PSMA5: variants seen among roughly 807,000 people sequenced by gnomAD.
PSMA5 encodes the protein proteasome 20S subunit alpha 5.
In PSMA5, 3 loss-of-function variants were observed where a neutral mutation model predicts 34.5. The ratio of observed to expected loss-of-function variants is 0.09; its 90% CI spans 0.04 to 0.22. The LOEUF (loss-of-function observed/expected upper bound fraction) is 0.22. Among genes scored for constraint, PSMA5 ranks in the 10% least tolerant of loss-of-function variants. PSMA5 has a pLI of 1.00. For synonymous variants in PSMA5, 88 were observed against 95.8 expected (o/e 0.92, Z 0.47); for missense variants, 120 against 286.1 (o/e 0.42, Z 4.19).
intron 1 of PSMA5, 146 bp downstream of exon 1, chr1:109,426,156 G>A: frequency 9.5e-7 from 1 of 1,050,830 alleles, no homozygotes; most frequent in South Asian, 1.4e-5. Context: ...AGGACGGCGG[G>A]CGCCTGAGGA....
At chr1:109,417,011 G>A (rs555326327) in intron 2 of PSMA5, among the ~76,000 whole-genome samples, 3 of 152,264 alleles carry the variant, frequency 2.0e-5, no homozygotes, top group Admixed American at 6.5e-5. Context: ...AGGCTGAAAC[G>A]GTAGGACTGC....
intron 2 of PSMA5, among the ~76,000 whole-genome samples, chr1:109,420,759 C>T (rs144583315): frequency 9.2e-4 from 140 of 152,190 alleles, no homozygotes; most frequent in Non-Finnish European, 1.7e-3. Context: ...CCCCACCAGA[C>T]ATTTGGCAAA....
At position 109,411,862 on chromosome 1, in the gene PSMA5, C is replaced by CA. The variant is rs760798975; in HGVS notation, c.458+14dup. Reference sequence around the variant, plus strand: ...CCTGCAAAAGCATGGGGGAAAATTACAAAATGGTACTTACAGCTGGGGTCC... The same window carrying CA: ...CCTGCAAAAGCATGGGGGAAAATTACAAAAATGGTACTTACAGCTGGGGTCC... On this transcript the variant is annotated intron_variant, in intron 6 of 8. Transcript: ENST00000271308. The CA allele has an allele frequency of 6.2e-7, 1 of 1,601,550 alleles. No individual in the cohort carries two copies. Among genetic ancestry groups the CA allele is most frequent in the South Asian group, 1.1e-5 (1 of 90,830 alleles).
rs373056949 is a variant in PSMA5, at chr1:109,415,295, A to G, written c.165T>C (p.Thr55=). The G allele has an allele frequency of 6.2e-7, 1 of 1,614,090 alleles. No homozygotes were observed. The highest frequency in any genetic ancestry group is 8.5e-7 in the Non-Finnish European group (1 of 1,179,954). The change falls in exon 3 of 9, where the codon ACT becomes ACC. Residue 55 remains threonine, a synonymous_variant. Transcript: ENST00000271308. ...TGCTGCTGGGCTCCATCAGTGGGGAAGTAATTCTCTTCTCCACAGCTAGGC... is the reference window on the plus strand; with the variant it reads ...TGCTGCTGGGCTCCATCAGTGGGGAGGTAATTCTCTTCTCCACAGCTAGGC... ...GVCLAVEKRI[T]SPLMEPSSIE... is the part of the protein sequence containing the mutation.
chr1:109,426,084 G>C lies in PSMA5; in HGVS notation c.29+218C>G. 6.5e-6 allele frequency: 4 copies of C among 619,114 alleles called. No individual in the cohort carries two copies. The South Asian group carries it at 7.8e-5, about 12-fold the overall frequency. 38.4% of individuals were successfully genotyped at this position (619,114 alleles called of 1,614,324 possible). Reference sequence around the variant, plus strand: ...CCGGAGCTTCTCGCTTCCGCACCGAGTTAGGACCCAGGGGTGACTCAGCGG... The same window carrying C: ...CCGGAGCTTCTCGCTTCCGCACCGACTTAGGACCCAGGGGTGACTCAGCGG... On this transcript the variant is annotated intron_variant, in intron 1 of 8. Coordinates refer to ENST00000271308, the MANE Select transcript of PSMA5 (RefSeq NM_002790.4).
In PSMA5 at chr1:109,401,996, C is replaced by A; in HGVS notation, c.*17G>T. ...GAACTGAAATTGTCCCAGAGAAGTTCTGAGGATCAGGATTCCTTAAATGTC... is the reference window on the plus strand; with the variant it reads ...GAACTGAAATTGTCCCAGAGAAGTTATGAGGATCAGGATTCCTTAAATGTC... On this transcript the variant is annotated 3_prime_UTR_variant, in exon 9 of 9. Transcript: ENST00000271308. 6.4e-7 allele frequency: 1 copy of A among 1,573,510 alleles called. No homozygotes were observed. The highest frequency in any genetic ancestry group is 1.1e-5 in the South Asian group (1 of 88,852).
chr1:109,402,144 C>T, intron 8 of PSMA5, 54 bp from the exon 9 acceptor site: 1 of 1,332,920 alleles, frequency 7.5e-7, no homozygotes, highest in African/African-American at 1.5e-5. Context: ...CTGCTGATGG[C>T]CCTACCATGG....
At position 109,414,882 on chromosome 1, in the gene PSMA5, G is replaced by A. The variant is rs1045004240; in HGVS notation, c.223+355C>T. On this transcript the variant is annotated intron_variant, in intron 3 of 8. Transcript: ENST00000271308. ...TTAAAGACCAAAAAAGTGGGCAGAGGCAACAAGGAATACAAAGATAATCTG... is the reference window on the plus strand; with the variant it reads ...TTAAAGACCAAAAAAGTGGGCAGAGACAACAAGGAATACAAAGATAATCTG... 7 of 174,038 alleles carry A rather than the reference G, an allele frequency of 4.0e-5. No individual in the cohort carries two copies. In the South Asian group the frequency reaches 1.2e-3, roughly 29 times the overall value. 10.8% of individuals were successfully genotyped at this position (174,038 alleles called of 1,614,324 possible).
chr1:109,405,352 T>C (rs553061110), intron 8 of PSMA5, among the ~76,000 whole-genome samples: 1 of 152,086 alleles, frequency 6.6e-6, no homozygotes, highest in South Asian at 2.1e-4. Flanking sequence ...CTTAGCAAAG[T>C]CTCTAATAGA....
chr1:109,417,395 G>C (rs1654251586), intron 2 of PSMA5, among the ~76,000 whole-genome samples: 1 of 152,166 alleles, frequency 6.6e-6, no homozygotes, highest in South Asian at 2.1e-4. Context: ...GGAAATGGTG[G>C]CAACAAGGAC....
Position 109,415,383 on chromosome 1 carries a change from G to A in PSMA5, c.97-20C>T. On this transcript the variant is annotated intron_variant, in intron 2 of 8. Transcript: ENST00000271308. ...ACCAAGCTAAAGAGAAACATGTTATGATTACCATATATAGGTCAAATAACT... is the reference window on the plus strand; with the variant it reads ...ACCAAGCTAAAGAGAAACATGTTATAATTACCATATATAGGTCAAATAACT... 6.2e-7 allele frequency: 1 copy of A among 1,608,476 alleles called. No homozygotes were observed. Among genetic ancestry groups the A allele is most frequent in the South Asian group, 1.1e-5 (1 of 90,286 alleles).
chr1:109,415,454 A>C (rs1007957067), intron 2 of PSMA5, 91 bp from the exon 3 acceptor site: 47 of 1,377,918 alleles, frequency 3.4e-5, no homozygotes, highest in Non-Finnish European at 4.5e-5. Flanking sequence ...TTCACATGAT[A>C]GAAACTTCAA....
At chr1:109,402,170 T>C (rs1653559534) in intron 8 of PSMA5, 80 bp from the exon 9 acceptor site, 1 of 1,008,912 alleles carries the variant, frequency 9.9e-7, no homozygotes, top group Non-Finnish European at 1.5e-6. Flanking sequence ...AGAAGCTGTG[T>C]TGGTGATGCA....
At position 109,401,529 on chromosome 1, in the gene PSMA5, A is replaced by G. The variant is rs1653521878; in HGVS notation, c.*484T>C. On this transcript the variant is annotated 3_prime_UTR_variant, in exon 9 of 9. Transcript: ENST00000271308. The stretch of plus-strand genomic sequence containing the variant: ...GAAGAGCTGGACTAGTTCATTTATC[A>G]ACACCATGGGATTAATGGATATAGT... 1.3e-5 allele frequency: 2 copies of G among 152,288 alleles called. No individual in the cohort carries two copies. The allele number at this position is 152,288 out of a possible 1,614,324, so 9.4% of individuals were successfully genotyped here.
At chr1:109,414,185 T>C (rs1362192675) in intron 3 of PSMA5, among the ~76,000 whole-genome samples, 1 of 152,216 alleles carries the variant, frequency 6.6e-6, no homozygotes, top group Admixed American at 6.5e-5. Context: ...GCTTCAGTCA[T>C]TTCTATTCCC....
At chr1:109,417,456 GT>G (rs562232776) in intron 2 of PSMA5, among the ~76,000 whole-genome samples, 135 of 152,310 alleles carry the variant, frequency 8.9e-4, no homozygotes, top group African/African-American at 3.1e-3. Context: ...GTGGTTCAAT[GT>G]TTAAGAAACA....
At chr1:109,423,896 C>T (rs1038565575) in intron 1 of PSMA5, among the ~76,000 whole-genome samples, 1 of 152,212 alleles carries the variant, frequency 6.6e-6, no homozygotes, top group Non-Finnish European at 1.5e-5. Flanking sequence ...TTTAACAGCA[C>T]ACAGTTGCCT....
chr1:109,420,711 T>TA (rs1304351798), intron 2 of PSMA5, among the ~76,000 whole-genome samples: 1 of 152,156 alleles, frequency 6.6e-6, no homozygotes, highest in Non-Finnish European at 1.5e-5. Flanking sequence ...ATATACTTTT[T>TA]ATCTAGAAGA....
intron 1 of PSMA5, among the ~76,000 whole-genome samples, chr1:109,423,828 G>A (rs757261390): frequency 1.4e-4 from 21 of 152,252 alleles, no homozygotes; most frequent in Middle Eastern, 6.8e-3. Context: ...AACACTAACA[G>A]GTATTGACTC....
Sources: allele counts gnomAD v4.1 joint callset (sites outside exome capture counted in the v4.1 genomes callset), GRCh38; gene constraint gnomAD v4.1.1; transcripts MANE v1.5; gene names NCBI Gene and HGNC (gene_info 2026-07-23, HGNC 2026-07-21).